The following RGS22 variants were observed in gnomAD, a reference collection of about 807,000 sequenced individuals.
RGS22 encodes regulator of G protein signaling 22.
A neutral mutation model predicts 172.9 loss-of-function variants in RGS22; 148 were observed. That is an observed-to-expected ratio of 0.86 (90% confidence interval 0.75 to 0.98). The LOEUF (loss-of-function observed/expected upper bound fraction) is 0.98, where lower values mean the gene tolerates loss of function less well. Ranked by LOEUF, RGS22 falls within the 50% of genes least tolerant of loss-of-function variation. The pLI, the probability that RGS22 is intolerant of heterozygous loss-of-function variation, is 0.00. For missense variants in RGS22, 1,347 were observed against 1,440.8 expected, an observed-to-expected ratio of 0.93 and a Z score of 1.05; for synonymous variants, 458 against 480.2, an observed-to-expected ratio of 0.95 and a Z score of 0.60.
intron 14 of RGS22, among the ~76,000 whole-genome samples, chr8:100,026,987 T>C (rs1818250270): frequency 6.6e-6 from 1 of 152,190 alleles, no homozygotes; most frequent in Admixed American, 6.5e-5. Flanking sequence ...CCCAACACTT[T>C]GGGAGGCTGA....
chr8:100,079,794 G>C (rs1239888064), intron 4 of RGS22, among the ~76,000 whole-genome samples: 2 of 152,060 alleles, frequency 1.3e-5, no homozygotes, highest in African/African-American at 4.8e-5. Flanking sequence ...TGCTTGATAG[G>C]ATTGGTTCAA....
chr8:100,035,349 A>C (rs749925750), intron 14 of RGS22, among the ~76,000 whole-genome samples: 4 of 152,248 alleles, frequency 2.6e-5, no homozygotes, highest in Non-Finnish European at 5.9e-5. Context: ...CAAAAGACAC[A>C]TGAAAACATG....
rs746808179 is a variant in RGS22 at position 99,996,454 on chromosome 8, T to C, written c.3018+8A>G. On this transcript the variant is annotated splice_region_variant and intron_variant, in intron 20 of 27. Transcript: ENST00000360863. ...TACAAGAGGAAGAATATAACAAACA[T>C]TACTTGCCTTCCAGACCCCGATTTT... 6 of 1,608,018 alleles carry C rather than the reference T, an allele frequency of 3.7e-6. No homozygotes were observed. Among genetic ancestry groups the C allele is most frequent in the East Asian group, 2.2e-5 (1 of 44,798 alleles).
intron 10 of RGS22, among the ~76,000 whole-genome samples, chr8:100,050,208 C>G (rs1392328021): frequency 6.6e-6 from 1 of 152,176 alleles, no homozygotes; most frequent in Non-Finnish European, 1.5e-5. Context: ...AACCACCAGT[C>G]TACAGCAGTG....
At chr8:100,049,743 G>C (rs1331978640) in intron 10 of RGS22, among the ~76,000 whole-genome samples, 1 of 152,142 alleles carries the variant, frequency 6.6e-6, no homozygotes, top group Non-Finnish European at 1.5e-5. Context: ...ACCAGGGAGA[G>C]AGCTTGTTAG....
chr8:99,982,075 C>T lies in RGS22; in HGVS notation c.3222G>A (p.Lys1074=), dbSNP rs1812613207. 2.5e-6 allele frequency: 4 copies of T among 1,613,638 alleles called. No homozygotes were observed. Residue 1074 remains lysine (K), a synonymous_variant, in exon 22 of 28, where the codon AAG becomes AAA. Transcript: ENST00000360863. ...AGCAGTTGATAATAGTTGTAATCTT[C>T]TTCTGGATGACAGACTCATCACAAT... ...HSHCDESVIQ[K]KITTIINCFI...
At chr8:100,042,166 T>A (rs1820208669) in intron 11 of RGS22, among the ~76,000 whole-genome samples, 1 of 152,132 alleles carries the variant, frequency 6.6e-6, no homozygotes, top group South Asian at 2.1e-4. Context: ...TTATTATAGA[T>A]GCCAAATGAC....
At chr8:100,020,728 A>G (rs996832821) in intron 14 of RGS22, among the ~76,000 whole-genome samples, 3 of 152,250 alleles carry the variant, frequency 2.0e-5, no homozygotes, top group African/African-American at 7.2e-5. Context: ...ATAAACTTAC[A>G]ATTAAAGAAA....
chr8:99,992,389 A>G (rs2131276095), intron 20 of RGS22, among the ~76,000 whole-genome samples: 1 of 152,360 alleles, frequency 6.6e-6, no homozygotes, highest in South Asian at 2.1e-4. Flanking sequence ...ATGCAAAGAC[A>G]CACATAGGTT....
chr8:100,025,573 AAGG>A (rs1318023714), intron 14 of RGS22, among the ~76,000 whole-genome samples: 3 of 152,316 alleles, frequency 2.0e-5, no homozygotes, highest in Non-Finnish European at 2.9e-5. Context: ...CAGCCTAGAG[AAGG>A]AGAACTTAGC....
intron 20 of RGS22, among the ~76,000 whole-genome samples, chr8:99,990,363 CCT>C (rs1813589083): frequency 6.6e-6 from 1 of 152,030 alleles, no homozygotes; most frequent in Admixed American, 6.6e-5. Flanking sequence ...GCAGAAGGAC[CCT>C]GTTTCCCATT....
At chr8:99,976,933 T>C (rs1812018528) in intron 23 of RGS22, among the ~76,000 whole-genome samples, 1 of 152,202 alleles carries the variant, frequency 6.6e-6, no homozygotes, top group South Asian at 2.1e-4. Context: ...TATAAGCTTA[T>C]AAATAAGATG....
chr8:100,044,558 C>T (rs1206706202), intron 11 of RGS22, among the ~76,000 whole-genome samples: 2 of 151,958 alleles, frequency 1.3e-5, no homozygotes, highest in East Asian at 3.9e-4. Context: ...AAAATTCTTC[C>T]TTCCTTTGGC....
chr8:100,059,664 G>C (rs1809947669), intron 9 of RGS22, among the ~76,000 whole-genome samples: 1 of 152,136 alleles, frequency 6.6e-6, no homozygotes, highest in African/African-American at 2.4e-5. Flanking sequence ...GAACTACAAA[G>C]AGAGATAGGT....
In RGS22 at chr8:100,062,641, C is replaced by T. The variant is rs759497899; in HGVS notation, c.1464G>A (p.Glu488=). The T allele has an allele frequency of 6.2e-7, 1 of 1,605,642 alleles. No individual in the cohort carries two copies. The highest frequency in any genetic ancestry group is 8.5e-7 in the Non-Finnish European group (1 of 1,174,516). Residue 488 remains glutamate (E), a synonymous_variant, in exon 9 of 28, where the codon GAG becomes GAA. Transcript: ENST00000360863. ...CTTCAGACTGAATATTTCTTAAATGCTCTTCATTCCACTGTGATCCATCTA... is the reference window on the plus strand; with the variant it reads ...CTTCAGACTGAATATTTCTTAAATGTTCTTCATTCCACTGTGATCCATCTA... ...KLLDGSQWNE[E]HLRNIQSEVL...
chr8:99,967,126 G>T (rs2131097797), intron 23 of RGS22, among the ~76,000 whole-genome samples: 1 of 152,292 alleles, frequency 6.6e-6, no homozygotes, highest in East Asian at 1.9e-4. Flanking sequence ...AAGGGGTCGG[G>T]GAACTCCCTC....
chr8:100,095,892 G>A (rs1246228997), intron 2 of RGS22, among the ~76,000 whole-genome samples: 1 of 152,212 alleles, frequency 6.6e-6, no homozygotes. Flanking sequence ...CAATTCCGTT[G>A]ATATTGGGTA....
intron 14 of RGS22, among the ~76,000 whole-genome samples, chr8:100,015,727 A>G (rs1046810051): frequency 3.9e-5 from 6 of 152,240 alleles, no homozygotes; most frequent in African/African-American, 7.2e-5. Flanking sequence ...ACAAAAACAA[A>G]TATCAGGAGG....
chr8:100,010,923 G>A (rs1816311438), intron 14 of RGS22, among the ~76,000 whole-genome samples: 1 of 151,782 alleles, frequency 6.6e-6, no homozygotes. Flanking sequence ...GAATTAACAG[G>A]TGTGAGCCAC....
Sources: allele counts gnomAD v4.1 joint callset (sites outside exome capture counted in the v4.1 genomes callset), GRCh38; gene constraint gnomAD v4.1.1; transcripts MANE v1.5; gene names NCBI Gene and HGNC (gene_info 2026-07-23, HGNC 2026-07-21).